The following NLGN1 variants were observed in gnomAD, a reference collection of about 807,000 sequenced individuals.
NLGN1 encodes neuroligin 1.
NLGN1 carries 12 observed loss-of-function variants against 65.5 expected under a neutral mutation model. That is an observed-to-expected ratio of 0.18 (90% CI 0.12 to 0.30). The LOEUF is 0.30. Among genes scored for constraint, NLGN1 ranks in the 10% least tolerant of loss-of-function variants. The pLI, the probability that NLGN1 is intolerant of heterozygous loss-of-function variation, is 1.00. For synonymous variants in NLGN1, 350 were observed against 359.5 expected (o/e 0.97, Z 0.30); for missense variants, 750 against 1,007.1 (o/e 0.74, Z 3.46).
At chr3:174,210,646 C>T (rs1033637729) in intron 4 of NLGN1, among the ~76,000 whole-genome samples, 1 of 152,196 alleles carries the variant, frequency 6.6e-6, no homozygotes, top group South Asian at 2.1e-4. Flanking sequence ...CAAAGTCTTT[C>T]TACTGTTTTT....
At chr3:174,032,637 A>T (rs1730262461) in intron 4 of NLGN1, among the ~76,000 whole-genome samples, 1 of 152,076 alleles carries the variant, frequency 6.6e-6, no homozygotes, top group Non-Finnish European at 1.5e-5. Flanking sequence ...AAAGCCCCAC[A>T]CTCTCATGGG....
chr3:173,499,764 C>A (rs1730702443), intron 2 of NLGN1, among the ~76,000 whole-genome samples: 1 of 151,966 alleles, frequency 6.6e-6, no homozygotes, highest in Non-Finnish European at 1.5e-5. Context: ...TTGAAGAGAT[C>A]CTTCACATCC....
intron 4 of NLGN1, among the ~76,000 whole-genome samples, chr3:174,061,213 G>A (rs951072446): frequency 3.9e-5 from 6 of 152,080 alleles, no homozygotes; most frequent in African/African-American, 1.4e-4. Context: ...AGCCAATGAG[G>A]TTGGGAAGAA....
At chr3:174,004,107 A>G (rs538758985) in intron 4 of NLGN1, among the ~76,000 whole-genome samples, 17 of 152,152 alleles carry the variant, frequency 1.1e-4, no homozygotes, top group Non-Finnish European at 2.5e-4. Flanking sequence ...TGAATCGAGC[A>G]TCAGATCCAC....
At chr3:173,486,208 C>CT (rs1728153213) in intron 2 of NLGN1, among the ~76,000 whole-genome samples, 1 of 151,972 alleles carries the variant, frequency 6.6e-6, no homozygotes, top group Admixed American at 6.6e-5. Flanking sequence ...CCACTCCTGG[C>CT]TTTTTTATTT....
At chr3:173,628,413 G>A (rs1293359653) in intron 3 of NLGN1, among the ~76,000 whole-genome samples, 3 of 152,052 alleles carry the variant, frequency 2.0e-5, no homozygotes, top group African/African-American at 7.2e-5. Flanking sequence ...GCATCCACAT[G>A]TGCAGAGGTA....
At chr3:174,226,712 G>C (rs1271935284) in intron 4 of NLGN1, among the ~76,000 whole-genome samples, 1 of 151,788 alleles carries the variant, frequency 6.6e-6, no homozygotes, top group Non-Finnish European at 1.5e-5. Flanking sequence ...TAATTAAAAA[G>C]GGTTATATAC....
intron 3 of NLGN1, among the ~76,000 whole-genome samples, chr3:173,739,406 A>C (rs1278507298): frequency 6.6e-6 from 1 of 152,130 alleles, no homozygotes; most frequent in Non-Finnish European, 1.5e-5. Flanking sequence ...GCTACCAATG[A>C]AAGGTCCAGG....
intron 2 of NLGN1, among the ~76,000 whole-genome samples, chr3:173,451,624 C>T (rs1248270691): frequency 6.6e-6 from 1 of 152,118 alleles, no homozygotes. Context: ...GAGGTTATTG[C>T]CGTCTTTTGT....
chr3:173,441,209 T>C (rs1055587159), intron 2 of NLGN1, among the ~76,000 whole-genome samples: 6 of 152,202 alleles, frequency 3.9e-5, no homozygotes. Flanking sequence ...GGTGGTTTGA[T>C]CTTTTATCCA....
chr3:174,184,087 A>G (rs1312290037), intron 4 of NLGN1, among the ~76,000 whole-genome samples: 1 of 152,208 alleles, frequency 6.6e-6, no homozygotes, highest in African/African-American at 2.4e-5. Context: ...AGAGAAGGAT[A>G]TCTTTAGAAT....
intron 2 of NLGN1, among the ~76,000 whole-genome samples, chr3:173,545,846 G>A (rs760606568): frequency 6.6e-5 from 10 of 151,944 alleles, no homozygotes; most frequent in East Asian, 3.9e-4. Context: ...ACACAGGAAC[G>A]GAAAACCAAA....
intron 4 of NLGN1, among the ~76,000 whole-genome samples, chr3:173,835,351 T>A (rs1246724638): frequency 6.6e-6 from 1 of 152,170 alleles, no homozygotes; most frequent in African/African-American, 2.4e-5. Context: ...ATAAAAGATC[T>A]TTTTATTTTA....
intron 4 of NLGN1, among the ~76,000 whole-genome samples, chr3:174,265,648 C>G (rs1747948245): frequency 6.6e-6 from 1 of 151,884 alleles, no homozygotes; most frequent in Non-Finnish European, 1.5e-5. Flanking sequence ...TTCTGCATCA[C>G]TCATGCTGGG....
intron 2 of NLGN1, among the ~76,000 whole-genome samples, chr3:173,587,117 T>G (rs1476059153): frequency 6.6e-6 from 1 of 152,170 alleles, no homozygotes; most frequent in Non-Finnish European, 1.5e-5. Flanking sequence ...TCCAAAACCA[T>G]TAAATCAGTA....
intron 4 of NLGN1, among the ~76,000 whole-genome samples, chr3:173,891,873 C>G (rs1306131934): frequency 6.6e-6 from 1 of 152,204 alleles, no homozygotes. Context: ...TTGCTTCTAA[C>G]ACACTGCCTC....
At chr3:174,056,351 GCTT>G (rs1410872595) in intron 4 of NLGN1, among the ~76,000 whole-genome samples, 1 of 151,604 alleles carries the variant, frequency 6.6e-6, no homozygotes, top group Non-Finnish European at 1.5e-5. Flanking sequence ...TTTTAAAAAA[GCTT>G]CTTTTTAAAT....
At chr3:173,813,000 A>C (rs1718286773) in intron 4 of NLGN1, among the ~76,000 whole-genome samples, 1 of 151,360 alleles carries the variant, frequency 6.6e-6, no homozygotes, top group South Asian at 2.1e-4. Context: ...ATATTGATTT[A>C]TTAATTGATC....
At chr3:174,107,017 C>CACACAG (rs773314392) in intron 4 of NLGN1, among the ~76,000 whole-genome samples, 35 of 97,688 alleles carry the variant, frequency 3.6e-4, no homozygotes, top group East Asian at 6.2e-4. Flanking sequence ...CACACACACA[C>CACACAG]AGAGAGAGAG....
Sources: gnomAD v4.1 joint callset for allele counts (sites outside exome capture counted in the v4.1 genomes callset) on GRCh38, gnomAD v4.1.1 for gene constraint, MANE v1.5 for transcripts, NCBI Gene and HGNC (gene_info 2026-07-23, HGNC 2026-07-21) for gene names.